Variants in URB1 observed in about 807,000 individuals in gnomAD.
The protein encoded by URB1 is nucleolar pre-ribosomal-associated protein 1.
A neutral mutation model predicts 242.3 loss-of-function variants in URB1; 197 were observed. The ratio of observed to expected loss-of-function variants is 0.81; its 90% confidence interval spans 0.72 to 0.91. URB1 has a LOEUF of 0.91. Among genes scored for constraint, URB1 ranks in the 40% least tolerant of loss-of-function variants. The probability of loss-of-function intolerance (pLI) is 0.00; values close to 1 mark genes in which losing one functional copy is unlikely to be tolerated. For synonymous variants in URB1, 1,153 were observed against 1,201.8 expected, an observed-to-expected ratio of 0.96 and a Z score of 0.84; for missense variants, 2,721 against 2,860.5, an observed-to-expected ratio of 0.95 and a Z score of 1.11.
At chr21:32,363,493 C>A (rs548667453) in intron 10 of URB1, among the ~76,000 whole-genome samples, 164 bp from the exon 11 acceptor site, 6 of 152,212 alleles carry the variant, frequency 3.9e-5, no homozygotes, top group Non-Finnish European at 8.8e-5. Flanking sequence ...GTACCTCGCC[C>A]TCCTGACATC....
At chr21:32,345,651 C>A in intron 22 of URB1, 76 bp from the exon 23 acceptor site, 1 of 1,417,850 alleles carries the variant, frequency 7.1e-7, no homozygotes. Flanking sequence ...CTCCTAGGAA[C>A]TGGTTGCTAT....
rs1601116639 is a variant in URB1 at position 32,316,549 on chromosome 21, T to C, written c.6551A>G (p.Gln2184Arg). ...GTGGAAGGGGCTCCCTGCCCGGCCC[T>C]GGGCAGCCACCAGCTGCAGCATGAC... The part of the protein sequence containing the change: ...NTVMLQLVAA[Q>R]GRAGSPFHPA... The change falls in exon 38 of 39, where the codon CAG becomes CGG. Residue 2184 changes from glutamine to arginine, a missense_variant. Transcript: ENST00000382751. 1 of 1,550,964 alleles carries C rather than the reference T, an allele frequency of 6.4e-7. No individual in the cohort carries two copies. Among genetic ancestry groups the C allele is most frequent in the Admixed American group, 2.0e-5 (1 of 50,964 alleles).
At position 32,350,687 on chromosome 21, in the gene URB1, A is replaced by T; in HGVS notation, c.2832+17T>A. 6.5e-7 allele frequency: 1 copy of T among 1,548,348 alleles called. No individual in the cohort carries two copies. The highest frequency in any genetic ancestry group is 2.0e-5 in the Admixed American group (1 of 50,946). On this transcript the variant is annotated intron_variant, in intron 20 of 38. Coordinates refer to ENST00000382751, the MANE Select transcript of URB1 (RefSeq NM_014825.3). The stretch of plus-strand genomic sequence containing the variant: ...GGCAGAGCTCTGAAGCCTGTGGAGG[A>T]TGGGGGCAACGCTGACCTGGCCGAA...
At chr21:32,358,294 C>T (rs559343235) in intron 14 of URB1, among the ~76,000 whole-genome samples, 4 of 152,228 alleles carry the variant, frequency 2.6e-5, no homozygotes, top group African/African-American at 9.6e-5. Flanking sequence ...TGGGAAGGCA[C>T]CTGGCTGTTT....
intron 23 of URB1, 99 bp from the exon 24 acceptor site, chr21:32,344,855 T>C (rs139254150): frequency 1.3e-3 from 1,706 of 1,332,276 alleles, no homozygotes; most frequent in Middle Eastern, 1.9e-3. Context: ...GGATAGATGC[T>C]GAGTCCTGCT....
intron 28 of URB1, 138 bp from the exon 29 acceptor site, chr21:32,334,472 C>G: frequency 9.9e-7 from 1 of 1,013,922 alleles, no homozygotes; most frequent in East Asian, 2.7e-5. Context: ...CGTGTTATAT[C>G]ACTCAATCCC....
chr21:32,386,915 G>A (rs568897348), intron 1 of URB1, among the ~76,000 whole-genome samples: 2 of 152,138 alleles, frequency 1.3e-5, no homozygotes, highest in East Asian at 1.9e-4. Flanking sequence ...CTCCCTCCAC[G>A]AACTGGATGA....
At chr21:32,376,811 T>TTTTG (rs35719368) in intron 5 of URB1, among the ~76,000 whole-genome samples, 72,974 of 150,312 alleles carry the variant, frequency 0.49, 21,629 homozygotes, top group Non-Finnish European at 0.66. Flanking sequence ...CTAACTTTTG[T>TTTTG]TTTGTTTGTT....
chr21:32,339,517 G>A (rs941335382), intron 25 of URB1, among the ~76,000 whole-genome samples: 4 of 148,010 alleles, frequency 2.7e-5, no homozygotes, highest in African/African-American at 1.0e-4. Flanking sequence ...TTGAGACGGA[G>A]TCTCGCTCTG....
At chr21:32,333,106 T>C in intron 30 of URB1, 1 of 526,970 alleles carries the variant, frequency 1.9e-6, no homozygotes, top group East Asian at 3.3e-5. Flanking sequence ...ATTACAATTT[T>C]TTTTTTTAAA....
intron 4 of URB1, among the ~76,000 whole-genome samples, chr21:32,381,574 C>T (rs970546296): frequency 6.6e-6 from 1 of 151,938 alleles, no homozygotes; most frequent in African/African-American, 2.4e-5. Context: ...GCAATGTGGA[C>T]TTTGTTTGGA....
At chr21:32,369,975 CAAAAAAAAAA>C (rs34377037) in intron 8 of URB1, among the ~76,000 whole-genome samples, 1 of 88,556 alleles carries the variant, frequency 1.1e-5, no homozygotes, top group African/African-American at 4.0e-5. Context: ...GTCTCCATCT[CAAAAAAAAAA>C]AAAAAAAAAA....
intron 4 of URB1, among the ~76,000 whole-genome samples, chr21:32,382,785 C>A (rs2033540956): frequency 6.6e-6 from 1 of 152,124 alleles, no homozygotes; most frequent in African/African-American, 2.4e-5. Context: ...CTCTCTCAAG[C>A]TCAGGAGTCC....
At chr21:32,365,353 A>C (rs991391179) in intron 10 of URB1, among the ~76,000 whole-genome samples, 2 of 152,222 alleles carry the variant, frequency 1.3e-5, no homozygotes, top group African/African-American at 4.8e-5. Context: ...CAGGGGGCTG[A>C]GGTGTGAGGA....
intron 4 of URB1, among the ~76,000 whole-genome samples, chr21:32,380,759 AAAATT>A (rs2033514103): frequency 6.6e-6 from 1 of 152,240 alleles, no homozygotes; most frequent in African/African-American, 2.4e-5. Flanking sequence ...CTTGCCTGGC[AAAATT>A]AAATTAAGTT....
chr21:32,366,719 G>A lies in URB1; in HGVS notation c.1234C>T (p.Gln412Ter). ...EAQPEISRAF[Q>*]TREFIPLPRL... ...GGCAAGGGTATAAACTCTCTGGTCT[G>A]AAATGCCCGGGAAATCTCCGGCTGA... The change falls in exon 10 of 39, where the codon CAG becomes TAG. Residue 412 changes from glutamine (Q) to a stop codon, truncating the protein, a stop_gained. Transcript: ENST00000382751. LOFTEE classifies it high-confidence loss of function. 6.4e-7 allele frequency: 1 copy of A among 1,551,536 alleles called. No individual in the cohort carries two copies. The highest frequency in any genetic ancestry group is 8.7e-7 in the Non-Finnish European group (1 of 1,146,880).
At chr21:32,320,706 G>C (rs547500558) in intron 34 of URB1, 66 bp from the exon 35 acceptor site, 8 of 1,210,230 alleles carry the variant, frequency 6.6e-6, no homozygotes, top group Non-Finnish European at 9.4e-6. Context: ...TAAAGAAACC[G>C]TTTTAAAAAT....
At chr21:32,384,525 A>G (rs2033560495) in intron 2 of URB1, 61 bp from the exon 3 acceptor site, 1 of 1,516,522 alleles carries the variant, frequency 6.6e-7, no homozygotes, top group African/African-American at 1.4e-5. Context: ...CTGTACATAT[A>G]TGCTCCTTTT....
At chr21:32,322,929 A>C (rs1194469713) in intron 32 of URB1, among the ~76,000 whole-genome samples, 1 of 152,224 alleles carries the variant, frequency 6.6e-6, no homozygotes, top group African/African-American at 2.4e-5. Flanking sequence ...ATCAGGGCTG[A>C]CACCACACCC....
Sources: gnomAD v4.1 joint callset for allele counts (sites outside exome capture counted in the v4.1 genomes callset) on GRCh38, gnomAD v4.1.1 for gene constraint, MANE v1.5 for transcripts, NCBI Gene and HGNC (gene_info 2026-07-23, HGNC 2026-07-21) for gene names.